The following CRYL1 variants were observed in gnomAD, a reference collection of about 807,000 sequenced individuals.
CRYL1 encodes the protein crystallin lambda 1, also known as lambda-crystallin homolog.
A neutral mutation model predicts 36.6 loss-of-function variants in CRYL1; 29 were observed. That is an observed-to-expected ratio of 0.79 (90% CI 0.59 to 1.08). CRYL1 has a LOEUF of 1.08. Ranked by LOEUF, CRYL1 falls within the 50% of genes least tolerant of loss-of-function variation. The pLI is 0.00. For missense variants in CRYL1, 411 were observed against 407.9 expected, an observed-to-expected ratio of 1.01 and a Z score of -0.06; for synonymous variants, 152 against 151.5, an observed-to-expected ratio of 1.00 and a Z score of -0.02.
At chr13:20,430,657 A>C (rs2032038801) in intron 5 of CRYL1, 1 of 985,246 alleles carries the variant, frequency 1.0e-6, no homozygotes. Flanking sequence ...CTTACACCAG[A>C]ATCCCAAACC....
intron 3 of CRYL1, among the ~76,000 whole-genome samples, chr13:20,485,697 G>GAAAAGAAAAGAAAAGAAAAT (rs1227976535): frequency 1.3e-4 from 19 of 151,534 alleles, no homozygotes; most frequent in African/African-American, 3.6e-4. Context: ...GAAAAGAAAA[G>GAAAAGAAAAGAAAAGAAAAT]AAAAGAAAAG....
intron 4 of CRYL1, among the ~76,000 whole-genome samples, chr13:20,438,557 T>C (rs1183710897): frequency 6.6e-6 from 1 of 152,190 alleles, no homozygotes; most frequent in Non-Finnish European, 1.5e-5. Context: ...GCATGTGTGC[T>C]CATGCCACCA....
In CRYL1 at chr13:20,404,018, G is replaced by A. The variant is rs1015818451; in HGVS notation, c.*111C>T. ...ACTCAGGCTGCACACAAGACAGCCA[G>A]CTTAGGATCTCCGTGGGCTGCTACC... is the stretch of plus-strand genomic sequence containing the variant. On this transcript the variant is annotated 3_prime_UTR_variant, in exon 8 of 8. Coordinates refer to ENST00000298248, the MANE Select transcript of CRYL1 (RefSeq NM_015974.3). The A allele has an allele frequency of 2.7e-6, 2 of 748,762 alleles. No individual in the cohort carries two copies. Among genetic ancestry groups the A allele is most frequent in the Admixed American group, 4.2e-5 (2 of 47,816 alleles). The allele number at this position is 748,762 out of a possible 1,614,324, so 46.4% of individuals were successfully genotyped here.
intron 5 of CRYL1, among the ~76,000 whole-genome samples, chr13:20,414,986 T>C (rs1410767626): frequency 2.0e-5 from 3 of 152,148 alleles, no homozygotes; most frequent in Non-Finnish European, 4.4e-5. Flanking sequence ...CAGAGCTCTG[T>C]AGGACTGAGG....
chr13:20,508,407 G>T (rs769954902), intron 2 of CRYL1, among the ~76,000 whole-genome samples: 6 of 152,078 alleles, frequency 3.9e-5, no homozygotes, highest in Non-Finnish European at 7.4e-5. Context: ...ATTTACTCAG[G>T]AAGACCACAA....
chr13:20,446,587 G>A (rs2032461539), intron 3 of CRYL1, among the ~76,000 whole-genome samples: 4 of 152,228 alleles, frequency 2.6e-5, no homozygotes, highest in Admixed American at 2.6e-4. Flanking sequence ...AGCCAGACCA[G>A]AGAATCAGCT....
In CRYL1 at chr13:20,525,759, A is replaced by G. The variant is rs1452283752; in HGVS notation, c.36T>C (p.Val12=). Residue 12 remains valine, a synonymous_variant, in exon 1 of 8, where the codon GTT becomes GTC. Transcript: ENST00000298248. The surrounding 1 kb of genome is among the most constrained non-coding windows in gnomAD (Gnocchi z 4.3). The part of the protein sequence containing the change: ...ASSAAGCVVI[V]GSGVIGRSWA... ...CGCGGCTCGGAGCCCTTTACCTGCC[A>G]ACGATCACCACGCAGCCGGCCGCGG... is the stretch of plus-strand genomic sequence containing the variant. 5 of 1,324,446 alleles carry G rather than the reference A, an allele frequency of 3.8e-6. No individual in the cohort carries two copies. The African/African-American group carries it at 6.1e-5, about 16-fold the overall frequency. 82.0% of individuals were successfully genotyped at this position (1,324,446 alleles called of 1,614,324 possible).
At position 20,505,359 on chromosome 13, in the gene CRYL1, C is replaced by CAAAAAAAAAAAAAAAAAAAAAAAAAA. The variant is rs61380702; in HGVS notation, c.149+7083_149+7084insTTTTTTTTTTTTTTTTTTTTTTTTTT. On this transcript the variant is annotated intron_variant, in intron 2 of 7. Coordinates refer to ENST00000298248, the MANE Select transcript of CRYL1 (RefSeq NM_015974.3). ...GCAACAAAGTGAGACTCTATCCCAC[C>CAAAAAAAAAAAAAAAAAAAAAAAAAA]AAAAAAAAAAAAAAAAAAAAAAATC... is the stretch of plus-strand genomic sequence containing the variant. Among the ~76,000 whole-genome samples the CAAAAAAAAAAAAAAAAAAAAAAAAAA allele has an allele frequency of 3.2e-4, 29 of 91,220 alleles. 1 individual carries two copies. The highest frequency in any genetic ancestry group is 4.7e-4 in the South Asian group (1 of 2,144). The allele number at this position is 91,220 out of a possible 152,430, so 59.8% of individuals were successfully genotyped here.
intron 3 of CRYL1, among the ~76,000 whole-genome samples, chr13:20,477,435 C>T (rs934639820): frequency 6.6e-5 from 10 of 150,760 alleles, no homozygotes; most frequent in African/African-American, 2.4e-4. Context: ...AAAAATATTC[C>T]TGAGGTGTGC....
chr13:20,446,268 T>G (rs2032453139), intron 3 of CRYL1, among the ~76,000 whole-genome samples: 1 of 152,172 alleles, frequency 6.6e-6, no homozygotes, highest in African/African-American at 2.4e-5. Flanking sequence ...TGTGCCACCA[T>G]GCCTGGCTAA....
intron 3 of CRYL1, among the ~76,000 whole-genome samples, chr13:20,478,300 G>T (rs762408236): frequency 6.6e-6 from 1 of 151,968 alleles, no homozygotes; most frequent in Non-Finnish European, 1.5e-5. Flanking sequence ...TTAGATATGT[G>T]CTTATTTTGA....
intron 5 of CRYL1, chr13:20,430,532 A>T (rs2032036073): frequency 1.0e-6 from 1 of 985,326 alleles, no homozygotes; most frequent in African/African-American, 1.7e-5. Flanking sequence ...CAGAACTACC[A>T]GAGCAGCCCA....
At chr13:20,505,359 C>CAAAAAAAAAAAAAAAAAAAAAAAAAAA (rs61380702) in intron 2 of CRYL1, among the ~76,000 whole-genome samples, 15 of 91,222 alleles carry the variant, frequency 1.6e-4, no homozygotes, top group Non-Finnish European at 2.7e-4. Context: ...TCTATCCCAC[C>CAAAAAAAAAAAAAAAAAAAAAAAAAAA]AAAAAAAAAA....
chr13:20,408,515 G>T (rs1410402954), intron 6 of CRYL1, among the ~76,000 whole-genome samples: 3 of 152,188 alleles, frequency 2.0e-5, no homozygotes, highest in Non-Finnish European at 4.4e-5. Context: ...CTACTGACCT[G>T]CGAGTCTAAA....
At chr13:20,410,431 C>T (rs1279280352) in intron 6 of CRYL1, among the ~76,000 whole-genome samples, 8 of 149,176 alleles carry the variant, frequency 5.4e-5, no homozygotes, top group African/African-American at 1.5e-4. Context: ...ATACCTAATG[C>T]TAGATGACGA....
chr13:20,446,714 T>A (rs11618705), intron 3 of CRYL1, among the ~76,000 whole-genome samples: 3 of 151,076 alleles, frequency 2.0e-5, no homozygotes, highest in Non-Finnish European at 4.4e-5. Flanking sequence ...CCTCTAGAAT[T>A]TTTTTTGTTT....
intron 3 of CRYL1, among the ~76,000 whole-genome samples, chr13:20,472,330 G>A (rs1373259259): frequency 6.6e-6 from 1 of 152,118 alleles, no homozygotes; most frequent in Non-Finnish European, 1.5e-5. Flanking sequence ...GAAAAAATAT[G>A]TACATGTTCA....
At chr13:20,417,962 G>C (rs575509561) in intron 5 of CRYL1, among the ~76,000 whole-genome samples, 6 of 152,290 alleles carry the variant, frequency 3.9e-5, no homozygotes, top group Non-Finnish European at 7.4e-5. Context: ...TTATTTCAAG[G>C]AATTGGCTCA....
intron 2 of CRYL1, among the ~76,000 whole-genome samples, chr13:20,502,899 G>A (rs1402399929): frequency 1.3e-5 from 2 of 152,176 alleles, no homozygotes; most frequent in African/African-American, 2.4e-5. Context: ...CAATTCTTGA[G>A]TCCAATCCTT....
Sources: gnomAD v4.1 joint callset for allele counts (sites outside exome capture counted in the v4.1 genomes callset) on GRCh38, gnomAD v4.1.1 for gene constraint, Gnocchi (gnomAD v3.1) non-coding constraint, MANE v1.5 for transcripts, NCBI Gene and HGNC (gene_info 2026-07-23, HGNC 2026-07-21) for gene names.